Variants in GLI3 observed in about 807,000 individuals in gnomAD.
GLI3 encodes the protein GLI family zinc finger 3.
A neutral mutation model predicts 100.8 loss-of-function variants in GLI3; 20 were observed. That is an observed-to-expected ratio of 0.20 (90% CI 0.14 to 0.29). The LOEUF (loss-of-function observed/expected upper bound fraction) is 0.29. Among genes scored for constraint, GLI3 ranks in the 10% least tolerant of loss-of-function variants. The pLI is 1.00. For synonymous variants in GLI3, 938 were observed against 860.5 expected, an observed-to-expected ratio of 1.09 and a Z score of -1.58; for missense variants, 2,040 against 2,128.5, an observed-to-expected ratio of 0.96 and a Z score of 0.82.
chr7:41,966,773 T>C lies in GLI3; in HGVS notation c.2432-132A>G. ...TTCTGGTGTCCCAGGCCACATTGCC[T>C]GCCTCACAACTACTCAGCTCTGCAG... On this transcript the variant is annotated intron_variant, in intron 14 of 14. Transcript: ENST00000395925. This position sits in a 1 kb window ranked among gnomAD's most constrained non-coding sequence, Gnocchi z 5.8. 3 of 883,242 alleles carry C rather than the reference T, an allele frequency of 3.4e-6. No individual in the cohort carries two copies. Among genetic ancestry groups the C allele is most frequent in the Non-Finnish European group, 5.5e-6 (3 of 547,394 alleles). The allele number at this position is 883,242 out of a possible 1,614,324, so 54.7% of individuals were successfully genotyped here. A position where few individuals can be genotyped will look rare whatever the true frequency, so the allele number is the denominator to read the frequency against.
chr7:42,170,582 G>A (rs930536047), intron 2 of GLI3, among the ~76,000 whole-genome samples: 5 of 151,336 alleles, frequency 3.3e-5, no homozygotes, highest in Non-Finnish European at 7.4e-5. Context: ...TTTTGTATTT[G>A]TAATAGGGAC....
At chr7:41,983,038 C>T (rs969400353) in intron 10 of GLI3, among the ~76,000 whole-genome samples, 11 of 152,178 alleles carry the variant, frequency 7.2e-5, no homozygotes, top group African/African-American at 1.9e-4. Flanking sequence ...AAAACTTTCA[C>T]GTGTCACAAA....
chr7:42,041,576 C>A (rs117909282), intron 6 of GLI3, among the ~76,000 whole-genome samples: 1,996 of 152,118 alleles, frequency 0.013, 19 homozygotes, highest in Middle Eastern at 0.034. Context: ...AATGAGTATA[C>A]CAGTTTATAG....
At chr7:42,010,253 T>C (rs966835807) in intron 10 of GLI3, among the ~76,000 whole-genome samples, 8 of 152,208 alleles carry the variant, frequency 5.3e-5, no homozygotes, top group Non-Finnish European at 8.8e-5. Flanking sequence ...TGTTTCCCTC[T>C]GGAGAAGCCT....
chr7:42,012,854 G>A (rs1464141689), intron 10 of GLI3, among the ~76,000 whole-genome samples: 1 of 152,168 alleles, frequency 6.6e-6, no homozygotes, highest in Non-Finnish European at 1.5e-5. Context: ...TGCACCAGAG[G>A]AACCTGTGCA....
chr7:42,228,921 G>C (rs140215414), intron 1 of GLI3, among the ~76,000 whole-genome samples: 2 of 152,226 alleles, frequency 1.3e-5, no homozygotes, highest in East Asian at 3.9e-4. Context: ...GTAGTAAATA[G>C]AAAATATGAA....
chr7:42,133,897 T>C (rs1159042188), intron 3 of GLI3, among the ~76,000 whole-genome samples: 1 of 151,718 alleles, frequency 6.6e-6, no homozygotes, highest in Non-Finnish European at 1.5e-5. Flanking sequence ...GCCTGAGCAA[T>C]ATGGTGAAAC....
intron 10 of GLI3, among the ~76,000 whole-genome samples, chr7:42,013,747 C>T (rs762129883): frequency 3.9e-5 from 6 of 152,172 alleles, no homozygotes; most frequent in Non-Finnish European, 8.8e-5. Context: ...AGCTAACTGG[C>T]TCTAAAAACT....
chr7:41,963,404 TCCC>T lies in GLI3; in HGVS notation c.*923_*925del, dbSNP rs1458508104. The stretch of plus-strand genomic sequence containing the variant: ...AACAAACACAGCAACTCATAAATAT[TCCC>T]CCAACTAATTCTACCCAATTGCTTC... On this transcript the variant is annotated 3_prime_UTR_variant, in exon 15 of 15. Coordinates refer to ENST00000395925, the MANE Select transcript of GLI3 (RefSeq NM_000168.6). The T allele has an allele frequency of 6.6e-6, 1 of 152,096 alleles. No homozygotes were observed. The highest frequency in any genetic ancestry group is 1.5e-5 in the Non-Finnish European group (1 of 68,018). The allele number at this position is 152,096 out of a possible 1,614,324, so 9.4% of individuals were successfully genotyped here. A position where few individuals can be genotyped will look rare whatever the true frequency, so the allele number is the denominator to read the frequency against.
At chr7:42,150,746 T>G (rs1786838403) in intron 2 of GLI3, among the ~76,000 whole-genome samples, 1 of 152,214 alleles carries the variant, frequency 6.6e-6, no homozygotes, top group African/African-American at 2.4e-5. Context: ...TTTTCTTCTC[T>G]TAAAACGGCA....
intron 5 of GLI3, among the ~76,000 whole-genome samples, chr7:42,047,885 A>G (rs1049684512): frequency 1.3e-5 from 2 of 152,226 alleles, no homozygotes; most frequent in African/African-American, 4.8e-5. Context: ...AGTGTGGTCC[A>G]GGCACCAACA....
At chr7:42,182,898 A>T (rs961441995) in intron 2 of GLI3, among the ~76,000 whole-genome samples, 1 of 151,518 alleles carries the variant, frequency 6.6e-6, no homozygotes, top group Non-Finnish European at 1.5e-5. Flanking sequence ...CCTGGCCAAC[A>T]TGGCGAAACC....
intron 2 of GLI3, among the ~76,000 whole-genome samples, chr7:42,210,237 A>G (rs1788239901): frequency 6.6e-6 from 1 of 151,626 alleles, no homozygotes; most frequent in Non-Finnish European, 1.5e-5. Context: ...GCTTTCCTAG[A>G]GCTTGAAAAC....
At chr7:42,175,971 T>A (rs1787472026) in intron 2 of GLI3, among the ~76,000 whole-genome samples, 1 of 152,054 alleles carries the variant, frequency 6.6e-6, no homozygotes, top group African/African-American at 2.4e-5. Context: ...GTCTGTTGGA[T>A]CCCACAGCCC....
chr7:42,045,045 A>C (rs1408386873), intron 6 of GLI3, among the ~76,000 whole-genome samples: 1 of 152,102 alleles, frequency 6.6e-6, no homozygotes, highest in Non-Finnish European at 1.5e-5. Context: ...ATGCCACTAC[A>C]CCCAGCTAAT....
At chr7:42,025,105 C>G (rs1024968818) in intron 9 of GLI3, among the ~76,000 whole-genome samples, 159 bp downstream of exon 9, 4 of 152,212 alleles carry the variant, frequency 2.6e-5, no homozygotes, top group African/African-American at 9.7e-5. Context: ...CCATATCTAG[C>G]CTTTTGTACA....
chr7:42,088,291 T>C (rs1010052965), intron 3 of GLI3, among the ~76,000 whole-genome samples: 1 of 152,190 alleles, frequency 6.6e-6, no homozygotes. Context: ...TACCTCATAC[T>C]CATTGCTGGA....
In GLI3 at chr7:42,135,312, G is replaced by A. The variant is rs550185051; in HGVS notation, c.367+12914C>T. ...TTTTCATGATCTTTAGACTATTCTA[G>A]CTAGCTATATCTCAGAGTATTATAG... On this transcript the variant is annotated intron_variant, in intron 3 of 14. Transcript: ENST00000395925. Among the ~76,000 whole-genome samples the A allele has an allele frequency of 2.0e-5, 3 of 152,236 alleles. No homozygotes were observed. In the South Asian group the frequency reaches 6.2e-4, roughly 32 times the overall value.
intron 2 of GLI3, among the ~76,000 whole-genome samples, chr7:42,200,159 G>C (rs1788009361): frequency 6.6e-6 from 1 of 152,204 alleles, no homozygotes; most frequent in Non-Finnish European, 1.5e-5. Context: ...GAATACCTAG[G>C]ATATCGCCTT....
Sources: gnomAD v4.1 joint callset for allele counts (sites outside exome capture counted in the v4.1 genomes callset) on GRCh38, gnomAD v4.1.1 for gene constraint, Gnocchi (gnomAD v3.1) non-coding constraint, MANE v1.5 for transcripts, NCBI Gene and HGNC (gene_info 2026-07-23, HGNC 2026-07-21) for gene names.